The following CNOT3 variants were observed in gnomAD, a reference collection of about 807,000 sequenced individuals.
The protein encoded by CNOT3 is CCR4-NOT transcription complex subunit 3.
In CNOT3, 2 loss-of-function variants were observed where a neutral mutation model predicts 89.4. That is an observed-to-expected ratio of 0.02 (90% CI 0.01 to 0.07). The LOEUF is 0.07. CNOT3 is among the 10% of genes least tolerant of loss of function. CNOT3 has a pLI of 1.00. For missense variants in CNOT3, 664 were observed against 1,010.2 expected, an observed-to-expected ratio of 0.66 and a Z score of 4.65; for synonymous variants, 486 against 402.0, an observed-to-expected ratio of 1.21 and a Z score of -2.50.
intron 16 of CNOT3, chr19:54,153,482 TCTTC>T (rs1337394929): frequency 6.4e-6 from 5 of 776,808 alleles, no homozygotes; most frequent in Non-Finnish European, 1.2e-5. Flanking sequence ...CATTAGTTTT[TCTTC>T]CTTCTCAAAG....
At chr19:54,153,661 TC>T in intron 16 of CNOT3, 53 bp from the exon 17 acceptor site, 9 of 1,425,602 alleles carry the variant, frequency 6.3e-6, no homozygotes, top group Non-Finnish European at 8.9e-6. Flanking sequence ...TTCCCCTGGC[TC>T]CCCACCCAGT....
chr19:54,152,808 CT>C, intron 15 of CNOT3, 58 bp from the exon 16 acceptor site: 1 of 901,224 alleles, frequency 1.1e-6, no homozygotes, highest in Non-Finnish European at 1.8e-6. Flanking sequence ...TCTGAGCACC[CT>C]TTTGATCACG....
chr19:54,145,451 GACCCC>G lies in CNOT3; in HGVS notation c.484-145_484-141del. On this transcript the variant is annotated intron_variant, in intron 7 of 17. Coordinates refer to ENST00000221232, the MANE Select transcript of CNOT3 (RefSeq NM_014516.4). The surrounding 1 kb of genome is among the most constrained non-coding windows in gnomAD (Gnocchi z 5.9). Reference sequence around the variant, plus strand: ...CCCCACAGGGCTCAGAGGGTGGGTGGACCCCATACTGCCCCACCCCGAAGGGGATG... The same window carrying G: ...CCCCACAGGGCTCAGAGGGTGGGTGGATACTGCCCCACCCCGAAGGGGATG... 1.6e-6 allele frequency: 1 copy of G among 626,674 alleles called. No homozygotes were observed. The highest frequency in any genetic ancestry group is 2.9e-6 in the Non-Finnish European group (1 of 347,886). The allele number at this position is 626,674 out of a possible 1,614,324, so 38.8% of individuals were successfully genotyped here.
rs1370656344 is a variant in CNOT3, at chr19:54,144,375, T to C, written c.483+43T>C. Reference sequence around the variant, plus strand: ...GACACCTTTGGGATGGGGATGGGCATGGGAATGGGCTGGCCAGCAGGAGGC... The same window carrying C: ...GACACCTTTGGGATGGGGATGGGCACGGGAATGGGCTGGCCAGCAGGAGGC... On this transcript the variant is annotated intron_variant, in intron 7 of 17. Coordinates refer to ENST00000221232, the MANE Select transcript of CNOT3 (RefSeq NM_014516.4). This position sits in a 1 kb window ranked among gnomAD's most constrained non-coding sequence, Gnocchi z 4.8. 1.0e-5 allele frequency: 15 copies of C among 1,472,814 alleles called. No individual in the cohort carries two copies. In the East Asian group the frequency reaches 3.2e-4, roughly 31 times the overall value. The allele number at this position is 1,472,814 out of a possible 1,614,324, so 91.2% of individuals were successfully genotyped here. A position where few individuals can be genotyped will look rare whatever the true frequency, so the allele number is the denominator to read the frequency against.
intron 13 of CNOT3, among the ~76,000 whole-genome samples, chr19:54,150,527 C>T (rs1484029854): frequency 8.1e-6 from 1 of 123,312 alleles, no homozygotes; most frequent in Non-Finnish European, 1.9e-5. Context: ...GCTTGTGAGC[C>T]AGTATACTGT....
rs2074880071 is a variant in CNOT3 at position 54,149,000 on chromosome 19, C to T, written c.1406+257C>T. Among the ~76,000 whole-genome samples the T allele has an allele frequency of 6.6e-6, 1 of 152,196 alleles. No homozygotes were observed. The highest frequency in any genetic ancestry group is 6.5e-5 in the Admixed American group (1 of 15,286). On this transcript the variant is annotated intron_variant, in intron 12 of 17. Coordinates refer to ENST00000221232, the MANE Select transcript of CNOT3 (RefSeq NM_014516.4). This position sits in a 1 kb window ranked among gnomAD's most constrained non-coding sequence, Gnocchi z 6.3. ...TAAGTGGAAGTTTTCTCAAGAGCCCCATACCCTTTCCTCCCCATTTCTGTT... is the reference window on the plus strand; with the variant it reads ...TAAGTGGAAGTTTTCTCAAGAGCCCTATACCCTTTCCTCCCCATTTCTGTT...
intron 9 of CNOT3, 123 bp downstream of exon 9, chr19:54,146,166 A>G: frequency 9.4e-7 from 1 of 1,064,410 alleles, no homozygotes; most frequent in Non-Finnish European, 1.4e-6. Context: ...CTAGGTATCC[A>G]GGGTCTAGGC....
At position 54,148,077 on chromosome 19, in the gene CNOT3, C is replaced by T; in HGVS notation, c.895-71C>T. On this transcript the variant is annotated intron_variant, in intron 10 of 17. Transcript: ENST00000221232. The surrounding 1 kb of genome is among the most constrained non-coding windows in gnomAD (Gnocchi z 6.3). ...GAGGCTGCTGGGACAAAGATGGAGC[C>T]TGAGGTGGGGGTGGTGAGGGAGACC... The T allele has an allele frequency of 8.2e-7, 1 of 1,215,590 alleles. No individual in the cohort carries two copies. The highest frequency in any genetic ancestry group is 1.1e-6 in the Non-Finnish European group (1 of 913,910). 75.3% of individuals were successfully genotyped at this position (1,215,590 alleles called of 1,614,324 possible). A position where few individuals can be genotyped will look rare whatever the true frequency, so the allele number is the denominator to read the frequency against.
Position 54,146,659 on chromosome 19 carries a change from TG to T in CNOT3, c.894+5del. Reference sequence around the variant, plus strand: ...TCCACAGACAGTGAAGTCAGCCAGGTGGGTGTGAGCCTGGACCGGGTGGGCA... The same window carrying T: ...TCCACAGACAGTGAAGTCAGCCAGGTGGTGTGAGCCTGGACCGGGTGGGCA... On this transcript the variant is annotated splice_donor_region_variant and intron_variant, in intron 10 of 17. Transcript: ENST00000221232. 6.6e-7 allele frequency: 1 copy of T among 1,526,336 alleles called. No individual in the cohort carries two copies. Among genetic ancestry groups the T allele is most frequent in the Non-Finnish European group, 9.1e-7 (1 of 1,100,016 alleles). The allele number at this position is 1,526,336 out of a possible 1,614,324, so 94.5% of individuals were successfully genotyped here. A position where few individuals can be genotyped will look rare whatever the true frequency, so the allele number is the denominator to read the frequency against.
Position 54,148,249 on chromosome 19 carries a change from T to C in CNOT3, c.996T>C (p.Ser332=). The C allele has an allele frequency of 6.2e-7, 1 of 1,602,864 alleles. No homozygotes were observed. Among genetic ancestry groups the C allele is most frequent in the East Asian group, 2.3e-5 (1 of 44,188 alleles). Residue 332 remains serine (S), a synonymous_variant, in exon 11 of 18, where the codon TCT becomes TCC. Coordinates refer to ENST00000221232, the MANE Select transcript of CNOT3 (RefSeq NM_014516.4). This position sits in a 1 kb window ranked among gnomAD's most constrained non-coding sequence, Gnocchi z 6.3. The part of the protein sequence containing the change: ...TYPSGPPPAA[S]ALSTTPGNNG... ...CCTCCGGCCCCCCGCCTGCTGCCTC[T>C]GCCTTGAGCACCACTCCTGGCAACA... is the stretch of plus-strand genomic sequence containing the variant.
At position 54,152,908 on chromosome 19, in the gene CNOT3, A is replaced by G; in HGVS notation, c.1946A>G (p.His649Arg). 1 of 1,470,770 alleles carries G rather than the reference A, an allele frequency of 6.8e-7. No homozygotes were observed. Among genetic ancestry groups the G allele is most frequent in the Non-Finnish European group, 9.1e-7 (1 of 1,096,876 alleles). 91.1% of individuals were successfully genotyped at this position (1,470,770 alleles called of 1,614,324 possible). A position where few individuals can be genotyped will look rare whatever the true frequency, so the allele number is the denominator to read the frequency against. ...AACCCCTGTCCGACGCCCCCCTACCACCACCAGATGCCACCCCCACACTCG... is the reference window on the plus strand; with the variant it reads ...AACCCCTGTCCGACGCCCCCCTACCGCCACCAGATGCCACCCCCACACTCG... ...PRNPCPTPPY[H>R]HQMPPPHSDT... Residue 649 changes from histidine (H) to arginine (R), a missense_variant, in exon 16 of 18, where the codon CAC (histidine) becomes CGC (arginine). By Grantham distance (29) the His-to-Arg change is conservative. Transcript: ENST00000221232.
rs770478177 is a variant in CNOT3, at chr19:54,144,305, G to A, written c.456G>A (p.Gln152=). 27 of 1,614,064 alleles carry A rather than the reference G, an allele frequency of 1.7e-5. No homozygotes were observed. The highest frequency in any genetic ancestry group is 2.3e-5 in the Non-Finnish European group (27 of 1,179,938). Residue 152 remains glutamine (Q), a synonymous_variant, in exon 7 of 18, where the codon CAG becomes CAA. Transcript: ENST00000221232. This position sits in a 1 kb window ranked among gnomAD's most constrained non-coding sequence, Gnocchi z 4.8. ...GTGAAGTGGAGTCACTGTCAGTGCA[G>A]ACACGCAAGAAGAAGGGCGACAAGG... The part of the protein sequence containing the change: ...FESEVESLSV[Q]TRKKKGDKDK...
Position 54,153,416 on chromosome 19 carries a change from C to T in CNOT3, c.2038-299C>T, listed in dbSNP as rs761887177. ...CCAGTGAGTCATGAGTGACCTCCAC[C>T]CTCATCCCCACTTGGGAAATTTTCT... On this transcript the variant is annotated intron_variant, in intron 16 of 17. Coordinates refer to ENST00000221232, the MANE Select transcript of CNOT3 (RefSeq NM_014516.4). 3 of 771,778 alleles carry T rather than the reference C, an allele frequency of 3.9e-6. No individual in the cohort carries two copies. In the South Asian group the frequency reaches 4.1e-5, roughly 10 times the overall value. 47.8% of individuals were successfully genotyped at this position (771,778 alleles called of 1,614,324 possible).
At chr19:54,138,509 G>T (rs897251418) in intron 1 of CNOT3, among the ~76,000 whole-genome samples, 7 of 152,026 alleles carry the variant, frequency 4.6e-5, no homozygotes, top group Middle Eastern at 3.4e-3. Flanking sequence ...TGGCGGGGAG[G>T]GGGGGTGGTG....
In CNOT3 at chr19:54,155,561, A is replaced by G. The variant is rs1415370485; in HGVS notation, c.*154A>G. 3.2e-6 allele frequency: 3 copies of G among 944,740 alleles called. No homozygotes were observed. Among genetic ancestry groups the G allele is most frequent in the African/African-American group, 1.7e-5 (1 of 60,130 alleles). 58.5% of individuals were successfully genotyped at this position (944,740 alleles called of 1,614,324 possible). ...GAGGGGGCCGGGAGGTTTTCCTCTC[A>G]GCCCCACCCTGGGGGCCCGGGGGCG... On this transcript the variant is annotated 3_prime_UTR_variant, in exon 18 of 18. Transcript: ENST00000221232.
intron 13 of CNOT3, 64 bp downstream of exon 13, chr19:54,149,822 C>T (rs2074962161): frequency 4.0e-6 from 6 of 1,482,450 alleles, no homozygotes; most frequent in Non-Finnish European, 5.5e-6. Context: ...TCCTCCAGGT[C>T]TCTAGCTGCA....
intron 17 of CNOT3, chr19:54,154,429 T>TG (rs35299585): frequency 4.6e-6 from 1 of 217,826 alleles, no homozygotes; most frequent in African/African-American, 2.2e-5. Context: ...TCTGTAAAAA[T>TG]GGGGGGAAGA....
At chr19:54,151,291 T>C (rs1304921013) in intron 13 of CNOT3, among the ~76,000 whole-genome samples, 1 of 151,912 alleles carries the variant, frequency 6.6e-6, no homozygotes, top group Non-Finnish European at 1.5e-5. Context: ...ATTGGAAAGG[T>C]CCCCTGGGGC....
chr19:54,155,599 TCCTCC>T lies in CNOT3; in HGVS notation c.*200_*204del. ...GGGCCCGGGGGCGAGGGCTGCCCCC[TCCTCC>T]CCTCCCCAGTGAGGGACATTTTTTG... On this transcript the variant is annotated 3_prime_UTR_variant, in exon 18 of 18. Coordinates refer to ENST00000221232, the MANE Select transcript of CNOT3 (RefSeq NM_014516.4). 4.5e-6 allele frequency: 5 copies of T among 1,120,774 alleles called. No homozygotes were observed. The highest frequency in any genetic ancestry group is 6.3e-6 in the Non-Finnish European group (5 of 791,550). 69.4% of individuals were successfully genotyped at this position (1,120,774 alleles called of 1,614,324 possible).
Sources: gnomAD v4.1 joint callset for allele counts (sites outside exome capture counted in the v4.1 genomes callset) on GRCh38, gnomAD v4.1.1 for gene constraint, Gnocchi (gnomAD v3.1) non-coding constraint, MANE v1.5 for transcripts, NCBI Gene and HGNC (gene_info 2026-07-23, HGNC 2026-07-21) for gene names.